Variants in TBCA observed in about 807,000 individuals in gnomAD.
TBCA encodes tubulin folding cofactor A.
TBCA carries 6 observed loss-of-function variants against 15.8 expected under a neutral mutation model. The observed-to-expected ratio is 0.38, with a 90% CI of 0.21 to 0.75. The LOEUF is 0.75. TBCA is among the 30% of genes least tolerant of loss of function. The pLI is 0.46. For missense variants in TBCA, 90 were observed against 131.2 expected (o/e 0.69, Z 1.53); for synonymous variants, 32 against 42.3 (o/e 0.76, Z 0.94).
At chr5:77,700,030 CAAAAAAAAAAAAAA>C (rs67790719) in intron 2 of TBCA, among the ~76,000 whole-genome samples, 1 of 86,112 alleles carries the variant, frequency 1.2e-5, no homozygotes, top group Non-Finnish European at 2.1e-5. Flanking sequence ...GGCTCTGACT[CAAAAAAAAAAAAAA>C]AAAAAAGAAA....
chr5:77,711,283 T>TAGA (rs1746273136), intron 1 of TBCA, among the ~76,000 whole-genome samples: 2 of 152,204 alleles, frequency 1.3e-5, no homozygotes, highest in Non-Finnish European at 2.9e-5. Context: ...GTAGTTGTGA[T>TAGA]AGAAGAACCA....
At chr5:77,753,784 A>T (rs79040610) in intron 1 of TBCA, among the ~76,000 whole-genome samples, 10,843 of 152,194 alleles carry the variant, frequency 0.071, 542 homozygotes, top group African/African-American at 0.14. Flanking sequence ...GTTTGTTTTC[A>T]TTCTCGCTCT....
intron 1 of TBCA, among the ~76,000 whole-genome samples, chr5:77,731,542 GATTAT>G (rs1463326868): frequency 6.6e-6 from 1 of 152,050 alleles, no homozygotes; most frequent in Non-Finnish European, 1.5e-5. Flanking sequence ...TAAATTTCCT[GATTAT>G]ATTCTTTCCC....
chr5:77,775,125 G>C (rs1372992213), intron 1 of TBCA, among the ~76,000 whole-genome samples: 1 of 152,104 alleles, frequency 6.6e-6, no homozygotes, highest in African/African-American at 2.4e-5. Flanking sequence ...TCACAGGTAT[G>C]GGACAAAGAA....
At chr5:77,711,872 A>G (rs953516193) in intron 1 of TBCA, among the ~76,000 whole-genome samples, 1 of 152,210 alleles carries the variant, frequency 6.6e-6, no homozygotes, top group South Asian at 2.1e-4. Flanking sequence ...GGTTATTGGA[A>G]TATCAAAATA....
chr5:77,716,187 A>C (rs1177827433), intron 1 of TBCA, among the ~76,000 whole-genome samples: 2 of 152,238 alleles, frequency 1.3e-5, no homozygotes, highest in Non-Finnish European at 2.9e-5. Flanking sequence ...TATTTCAGAA[A>C]TGAATAAAAT....
rs1308563713 is a variant in TBCA at position 77,745,015 on chromosome 5, T to A, written c.53+31190A>T. Among the ~76,000 whole-genome samples the A allele has an allele frequency of 3.3e-5, 5 of 152,066 alleles. No homozygotes were observed. The East Asian group carries it at 7.7e-4, about 23-fold the overall frequency. Reference sequence around the variant, plus strand: ...AATTTCTTCATCTGTAAAATGTGGGTCATTGCAACTACTTCACATTACATA... The same window carrying A: ...AATTTCTTCATCTGTAAAATGTGGGACATTGCAACTACTTCACATTACATA... On this transcript the variant is annotated intron_variant, in intron 1 of 3. Transcript: ENST00000380377.
intron 1 of TBCA, among the ~76,000 whole-genome samples, chr5:77,729,387 T>A (rs1041177625): frequency 6.6e-6 from 1 of 152,144 alleles, no homozygotes; most frequent in South Asian, 2.1e-4. Context: ...CATTCTCCTG[T>A]GATAGGCAGA....
Position 77,734,461 on chromosome 5 carries a change from C to A in TBCA, c.54-26114G>T, listed in dbSNP as rs568654831. 2.4e-4 allele frequency among the ~76,000 whole-genome samples: 37 copies of A among 152,234 alleles called. 1 individual carries two copies. The highest frequency in any genetic ancestry group is 2.0e-3 in the Admixed American group (30 of 15,288). On this transcript the variant is annotated intron_variant, in intron 1 of 3. Coordinates refer to ENST00000380377, the MANE Select transcript of TBCA (RefSeq NM_004607.3). Reference sequence around the variant, plus strand: ...TGGGGGAAGTTGATTCTAACCTGCACAGATAACTTTGAGGGATTCAGGACT... The same window carrying A: ...TGGGGGAAGTTGATTCTAACCTGCAAAGATAACTTTGAGGGATTCAGGACT...
chr5:77,756,149 T>C (rs965303826), intron 1 of TBCA, among the ~76,000 whole-genome samples: 9 of 152,176 alleles, frequency 5.9e-5, no homozygotes, highest in Non-Finnish European at 1.2e-4. Context: ...TTTCGTGTAG[T>C]GGGTCCAAGT....
At chr5:77,749,503 C>G (rs1747265293) in intron 1 of TBCA, among the ~76,000 whole-genome samples, 1 of 152,124 alleles carries the variant, frequency 6.6e-6, no homozygotes, top group Non-Finnish European at 1.5e-5. Flanking sequence ...TTATGACATA[C>G]CTAACTTTGT....
At chr5:77,739,650 G>C (rs1746988124) in intron 1 of TBCA, among the ~76,000 whole-genome samples, 1 of 152,124 alleles carries the variant, frequency 6.6e-6, no homozygotes, top group Non-Finnish European at 1.5e-5. Context: ...GACGTTTCCT[G>C]CGCTGTTAAC....
intron 2 of TBCA, among the ~76,000 whole-genome samples, chr5:77,695,615 G>T (rs756167565): frequency 1.3e-5 from 2 of 152,170 alleles, no homozygotes; most frequent in African/African-American, 4.8e-5. Flanking sequence ...AGTATATGAG[G>T]TGTGATTATA....
intron 1 of TBCA, among the ~76,000 whole-genome samples, chr5:77,770,311 C>G (rs1446876338): frequency 6.6e-6 from 1 of 152,194 alleles, no homozygotes; most frequent in Non-Finnish European, 1.5e-5. Flanking sequence ...GCTACTCTGT[C>G]AAGGATTCAT....
chr5:77,724,742 T>G (rs182285605), intron 1 of TBCA, among the ~76,000 whole-genome samples: 2 of 152,104 alleles, frequency 1.3e-5, no homozygotes, highest in Non-Finnish European at 2.9e-5. Context: ...TTTATAAAAA[T>G]TAAAACTAAA....
chr5:77,775,539 A>G (rs969871315), intron 1 of TBCA, among the ~76,000 whole-genome samples: 1 of 152,196 alleles, frequency 6.6e-6, no homozygotes, highest in Admixed American at 6.5e-5. Context: ...TAAACATTCC[A>G]AATTAAGACC....
chr5:77,696,338 T>A (rs1199015647), intron 2 of TBCA, among the ~76,000 whole-genome samples: 1 of 152,192 alleles, frequency 6.6e-6, no homozygotes, highest in Admixed American at 6.5e-5. Context: ...TAGTAAAATG[T>A]TAATGTACTC....
In TBCA at chr5:77,766,733, G is replaced by A. The variant is rs2112515091; in HGVS notation, c.53+9472C>T. 1.5e-5 allele frequency among the ~76,000 whole-genome samples: 2 copies of A among 130,282 alleles called. 1 individual carries two copies. Among genetic ancestry groups the A allele is most frequent in the South Asian group, 5.3e-4 (2 of 3,804 alleles). The allele number at this position is 130,282 out of a possible 152,430, so 85.5% of individuals were successfully genotyped here. ...ACCGTGGTCTCGATCTCCTGACCTC[G>A]TGATCCGCCCGCCTCGGCCTCCCAA... On this transcript the variant is annotated intron_variant, in intron 1 of 3. Coordinates refer to ENST00000380377, the MANE Select transcript of TBCA (RefSeq NM_004607.3).
chr5:77,770,728 T>TAAAAAAAAAAA (rs200258634), intron 1 of TBCA, among the ~76,000 whole-genome samples: 1 of 132,480 alleles, frequency 7.5e-6, no homozygotes, highest in Non-Finnish European at 1.6e-5. Context: ...ATCCAAATCT[T>TAAAAAAAAAAA]AAAAAAAAAA....
Sources: allele counts gnomAD v4.1 joint callset (sites outside exome capture counted in the v4.1 genomes callset), GRCh38; gene constraint gnomAD v4.1.1; transcripts MANE v1.5; gene names NCBI Gene and HGNC (gene_info 2026-07-23, HGNC 2026-07-21).